Variants in ABCA4 observed in about 807,000 individuals in gnomAD.
ABCA4 encodes ATP binding cassette subfamily A member 4.
In ABCA4, 196 loss-of-function variants were observed where a neutral mutation model predicts 263.7. The observed-to-expected ratio is 0.74, with a 90% CI of 0.66 to 0.84. ABCA4 has a LOEUF of 0.84. Among genes scored for constraint, ABCA4 ranks in the 40% least tolerant of loss-of-function variants. ABCA4 has a pLI of 0.00. For synonymous variants in ABCA4, 1,133 were observed against 1,094.2 expected, an observed-to-expected ratio of 1.04 and a Z score of -0.70; for missense variants, 2,792 against 2,855.1, an observed-to-expected ratio of 0.98 and a Z score of 0.50.
chr1:94,041,110 T>A, intron 23 of ABCA4, 99 bp downstream of exon 23: 1 of 1,222,792 alleles, frequency 8.2e-7, no homozygotes, highest in Non-Finnish European at 1.2e-6. Flanking sequence ...CTGATTCTGG[T>A]GGCGAGAGCC....
At chr1:94,023,569 A>T in intron 31 of ABCA4, 151 bp from the exon 32 acceptor site, 2 of 717,102 alleles carry the variant, frequency 2.8e-6, no homozygotes, top group Non-Finnish European at 5.0e-6. Context: ...GAAGCCGCCC[A>T]GCCCTGGGAC....
intron 35 of ABCA4, among the ~76,000 whole-genome samples, chr1:94,020,517 C>T (rs960358231): frequency 4.6e-5 from 7 of 151,988 alleles, no homozygotes; most frequent in African/African-American, 9.7e-5. Context: ...AGGAGACACA[C>T]GAAAGTGTGG....
intron 19 of ABCA4, chr1:94,046,038 C>A (rs115687752): frequency 2.3e-6 from 1 of 438,178 alleles, no homozygotes; most frequent in Non-Finnish European, 4.6e-6. Context: ...ACTCCACAAG[C>A]CCCTCTAGAG....
intron 2 of ABCA4, among the ~76,000 whole-genome samples, chr1:94,112,259 A>T (rs1662628445): frequency 6.6e-6 from 1 of 151,974 alleles, no homozygotes; most frequent in Non-Finnish European, 1.5e-5. Flanking sequence ...AAGAAATAAA[A>T]TTTTTCTTCA....
At position 94,040,081 on chromosome 1, in the gene ABCA4, G is replaced by T. The variant is rs1025059311; in HGVS notation, c.3569C>A (p.Ala1190Asp). 4 of 1,610,018 alleles carry T rather than the reference G, an allele frequency of 2.5e-6. No individual in the cohort carries two copies. In the East Asian group the frequency reaches 8.9e-5, roughly 36 times the overall value. The change falls in exon 24 of 50, where the codon GCC (alanine) becomes GAC (aspartate). Residue 1190 changes from alanine to aspartate, a missense_variant. Ala to Asp is a moderately radical substitution (Grantham distance 126, BLOSUM62 -2). Transcript: ENST00000370225. ...TTCTGGAGTTAGGTCATCGACGTGG[G>T]CTGGACACGTGGTGGAGAAACCCTT... ...SSKGFSTTCPAHVDDLTPEQV... is the reference protein window; with the variant it reads ...SSKGFSTTCPDHVDDLTPEQV...
At chr1:94,084,130 A>G (rs1661774720) in intron 6 of ABCA4, among the ~76,000 whole-genome samples, 1 of 152,190 alleles carries the variant, frequency 6.6e-6, no homozygotes, top group Admixed American at 6.5e-5. Context: ...AGCTCCAGAG[A>G]CTGATGTGAA....
intron 4 of ABCA4, among the ~76,000 whole-genome samples, chr1:94,106,302 T>C (rs1315807566): frequency 1.3e-5 from 2 of 152,196 alleles, no homozygotes; most frequent in African/African-American, 4.8e-5. Context: ...CATATCCACA[T>C]TGTAAAAGCC....
Position 94,011,347 on chromosome 1 carries a change from G to A in ABCA4, c.5499C>T (p.Leu1833=), listed in dbSNP as rs772616044. The part of the protein sequence containing the change: ...LRFNAVLRKL[L]IVFPHFCLGR... ...CCAGGCAGAAGTGGGGGAAGACAATGAGCAGCTTCCTCAGCACGGCGTTGA... is the reference window on the plus strand; with the variant it reads ...CCAGGCAGAAGTGGGGGAAGACAATAAGCAGCTTCCTCAGCACGGCGTTGA... The change falls in exon 39 of 50, where the codon CTC becomes CTT. Residue 1833 remains leucine (L), a synonymous_variant. Coordinates refer to ENST00000370225, the MANE Select transcript of ABCA4 (RefSeq NM_000350.3). 1.2e-6 allele frequency: 2 copies of A among 1,614,086 alleles called. No individual in the cohort carries two copies. The highest frequency in any genetic ancestry group is 1.1e-5 in the South Asian group (1 of 91,056).
At position 94,080,610 on chromosome 1, in the gene ABCA4, G is replaced by A; in HGVS notation, c.967C>T (p.Leu323=). 6.2e-7 allele frequency: 1 copy of A among 1,614,164 alleles called. No individual in the cohort carries two copies. Among genetic ancestry groups the A allele is most frequent in the African/African-American group, 1.3e-5 (1 of 75,030 alleles). ...TKLMGILSDL[L]CGYPEGGGSR... is the part of the protein sequence containing the mutation. ...CCACCTCCCTCGGGGTAGCCACACA[G>A]GAGGTCAGACAGGATGCCCATCAGC... is the stretch of plus-strand genomic sequence containing the variant. Residue 323 remains leucine, a synonymous_variant, in exon 8 of 50, where the codon CTG becomes TTG. Coordinates refer to ENST00000370225, the MANE Select transcript of ABCA4 (RefSeq NM_000350.3).
At chr1:94,003,433 C>T (rs932523727) in intron 44 of ABCA4, among the ~76,000 whole-genome samples, 8 of 151,766 alleles carry the variant, frequency 5.3e-5, no homozygotes. Context: ...TTACATATCT[C>T]CAATCTGGAT....
chr1:94,056,803 T>A lies in ABCA4; in HGVS notation c.2180A>T (p.Tyr727Phe). The part of the protein sequence containing the change: ...IFIMHGRILH[Y>F]SDPFILFLFL... ...CAGGAAGAGGATGAATGGGTCGCTGTAATGTAGGATTCTTCCATGCTGAAA... is the reference window on the plus strand; with the variant it reads ...CAGGAAGAGGATGAATGGGTCGCTGAAATGTAGGATTCTTCCATGCTGAAA... Residue 727 changes from tyrosine to phenylalanine, a missense_variant, in exon 15 of 50, where the codon TAC (tyrosine) becomes TTC (phenylalanine). Physicochemically the swap from Tyr to Phe is conservative, Grantham distance 22. Transcript: ENST00000370225. 2 of 1,607,324 alleles carry A rather than the reference T, an allele frequency of 1.2e-6. No individual in the cohort carries two copies. Among genetic ancestry groups the A allele is most frequent in the Non-Finnish European group, 1.7e-6 (2 of 1,176,630 alleles).
chr1:94,027,557 G>C (rs563747106), intron 30 of ABCA4, among the ~76,000 whole-genome samples: 2 of 152,334 alleles, frequency 1.3e-5, no homozygotes, highest in East Asian at 3.9e-4. Flanking sequence ...CAGATGAGCT[G>C]TGATTCAAAG....
At chr1:94,119,574 C>T (rs1007476013) in intron 1 of ABCA4, among the ~76,000 whole-genome samples, 17 of 152,152 alleles carry the variant, frequency 1.1e-4, no homozygotes, top group South Asian at 2.1e-4. Context: ...CCTCCATGCA[C>T]GCCTTCCTCC....
chr1:94,026,173 G>A (rs115796557), intron 30 of ABCA4, among the ~76,000 whole-genome samples: 2,159 of 152,236 alleles, frequency 0.014, 51 homozygotes, highest in African/African-American at 0.049. Context: ...TTACACCGCC[G>A]TTATTGCGCA....
At chr1:94,066,551 A>G (rs1414492401) in intron 11 of ABCA4, among the ~76,000 whole-genome samples, 1 of 152,250 alleles carries the variant, frequency 6.6e-6, no homozygotes, top group Non-Finnish European at 1.5e-5. Context: ...GTCATGGGGC[A>G]TTTGGACAGA....
At chr1:94,104,100 A>G (rs1008602044) in intron 4 of ABCA4, among the ~76,000 whole-genome samples, 1 of 152,162 alleles carries the variant, frequency 6.6e-6, no homozygotes, top group African/African-American at 2.4e-5. Context: ...TCGAATTAAT[A>G]TAATTCTTAC....
intron 15 of ABCA4, among the ~76,000 whole-genome samples, 162 bp downstream of exon 15, chr1:94,056,439 G>C (rs1021169352): frequency 1.2e-4 from 19 of 152,204 alleles, no homozygotes; most frequent in African/African-American, 4.3e-4. Flanking sequence ...GGTGAGGACT[G>C]CTCCCACTTT....
chr1:94,032,015 G>A lies in ABCA4; in HGVS notation c.3891C>T (p.Val1297=). 1 of 1,613,246 alleles carries A rather than the reference G, an allele frequency of 6.2e-7. No homozygotes were observed. Among genetic ancestry groups the A allele is most frequent in the Non-Finnish European group, 8.5e-7 (1 of 1,180,028 alleles). The change falls in exon 27 of 50, where the codon GTC becomes GTT. Residue 1297 remains valine (V), a synonymous_variant. Coordinates refer to ENST00000370225, the MANE Select transcript of ABCA4 (RefSeq NM_000350.3). ...AGGAQQKREN[V]NPRHPCLGPR... ...GACCCAAGCAGGGGTGTCGGGGGTT[G>A]ACGTTTTCTCTTTTCTGCTGAGCGC...
At chr1:94,045,839 G>A (rs1434033129) in intron 19 of ABCA4, 1 of 456,172 alleles carries the variant, frequency 2.2e-6, no homozygotes, top group Non-Finnish European at 4.4e-6. Flanking sequence ...TGAAGACTGT[G>A]TCACGTGGGT....
Sources: gnomAD v4.1 joint callset for allele counts (sites outside exome capture counted in the v4.1 genomes callset) on GRCh38, gnomAD v4.1.1 for gene constraint, MANE v1.5 for transcripts, NCBI Gene and HGNC (gene_info 2026-07-23, HGNC 2026-07-21) for gene names.